ATXN1: variants seen among roughly 807,000 people sequenced by gnomAD.
The protein encoded by ATXN1 is ataxin 1.
Under a neutral mutation model 56.4 loss-of-function variants are expected in ATXN1, and 8 were observed. The observed-to-expected ratio is 0.14, with a 90% CI of 0.08 to 0.26. ATXN1 has a LOEUF of 0.26. ATXN1 is among the 10% of genes least tolerant of loss of function. The pLI is 1.00. For missense variants in ATXN1, 987 were observed against 1,106.5 expected, an observed-to-expected ratio of 0.89 and a Z score of 1.53; for synonymous variants, 514 against 494.6, an observed-to-expected ratio of 1.04 and a Z score of -0.52.
chr6:16,636,749 G>C (rs1763604135), intron 3 of ATXN1, among the ~76,000 whole-genome samples: 1 of 152,124 alleles, frequency 6.6e-6, no homozygotes. Flanking sequence ...GTTTCAACAG[G>C]AAATGTCATA....
At chr6:16,579,718 G>C (rs59758474) in intron 4 of ATXN1, among the ~76,000 whole-genome samples, 9,641 of 152,108 alleles carry the variant, frequency 0.063, 941 homozygotes, top group African/African-American at 0.22. Context: ...GTGTTGAACA[G>C]AGGGGGAACA....
chr6:16,521,141 A>G (rs1761280694), intron 5 of ATXN1, among the ~76,000 whole-genome samples: 1 of 152,204 alleles, frequency 6.6e-6, no homozygotes, highest in African/African-American at 2.4e-5. Flanking sequence ...ACAAACAAAC[A>G]AACAAACAAA....
chr6:16,392,828 A>G (rs1758382434), intron 6 of ATXN1, among the ~76,000 whole-genome samples: 1 of 152,156 alleles, frequency 6.6e-6, no homozygotes, highest in African/African-American at 2.4e-5. Flanking sequence ...CTCACAAGAC[A>G]GTGGTTCTCA....
chr6:16,713,727 GA>G (rs1415545792), intron 2 of ATXN1, among the ~76,000 whole-genome samples: 1 of 152,192 alleles, frequency 6.6e-6, no homozygotes, highest in Non-Finnish European at 1.5e-5. Context: ...GGATTTGTCA[GA>G]AATACATATT....
rs78856205 is a variant in ATXN1, at chr6:16,433,429, A to G, written c.-161+52543T>C. ...AATTTTATAGTTGTTGGCTTTAAGG[A>G]GGATAAGAAGAACTGAGTGCTCCAA... is the stretch of plus-strand genomic sequence containing the variant. On this transcript the variant is annotated intron_variant, in intron 6 of 7. Transcript: ENST00000436367. Among the ~76,000 whole-genome samples the G allele has an allele frequency of 3.9e-5, 6 of 152,312 alleles. No individual in the cohort carries two copies. The East Asian group carries it at 1.2e-3, about 29-fold the overall frequency.
intron 2 of ATXN1, among the ~76,000 whole-genome samples, chr6:16,689,246 G>A (rs772372075): frequency 1.3e-5 from 2 of 152,128 alleles, no homozygotes; most frequent in South Asian, 4.1e-4. Context: ...TGGGACTGTT[G>A]TATCAAAATG....
chr6:16,361,012 G>A (rs79262688), intron 6 of ATXN1, among the ~76,000 whole-genome samples: 1,617 of 152,282 alleles, frequency 0.011, 25 homozygotes, highest in African/African-American at 0.037. Flanking sequence ...GATGTAGCTC[G>A]CAGCTTCTTC....
At chr6:16,615,161 T>A (rs1041730403) in intron 3 of ATXN1, 8 of 147,048 alleles carry the variant, frequency 5.4e-5, no homozygotes, top group Non-Finnish European at 1.1e-4. Context: ...TGTGCCTTAA[T>A]GGGGGCAAAG....
chr6:16,708,695 A>G (rs9350015), intron 2 of ATXN1, among the ~76,000 whole-genome samples: 13,161 of 152,166 alleles, frequency 0.086, 662 homozygotes, highest in East Asian at 0.2. Flanking sequence ...ACCTAGGAAC[A>G]GAAAAAAAAA....
intron 3 of ATXN1, among the ~76,000 whole-genome samples, chr6:16,592,744 A>T (rs886425224): frequency 2.0e-5 from 3 of 151,976 alleles, no homozygotes; most frequent in Admixed American, 2.0e-4. Context: ...TGACTGTTAC[A>T]GCTCTTAAAG....
chr6:16,327,684 A>ATGATGCTGCTGCTGCTGC lies in ATXN1; in HGVS notation c.626_627insGCAGCAGCAGCAGCATCA (p.Gln208_His209insGlnGlnGlnGlnGlnHis), dbSNP rs1554138063. On this transcript the variant is annotated inframe_insertion, in exon 7 of 8. Coordinates refer to ENST00000436367, the MANE Select transcript of ATXN1 (RefSeq NM_001128164.2). ...GCTGCTGCTGCTGCTGCTGATGCTG[A>ATGATGCTGCTGCTGCTGC]TGCTGCTGCTGCTGCTGCTGCTGCT... 28 of 1,474,192 alleles carry ATGATGCTGCTGCTGCTGC rather than the reference A, an allele frequency of 1.9e-5. No individual in the cohort carries two copies. The highest frequency in any genetic ancestry group is 2.2e-5 in the Non-Finnish European group (24 of 1,112,144). The allele number at this position is 1,474,192 out of a possible 1,614,324, so 91.3% of individuals were successfully genotyped here.
At chr6:16,743,370 A>G (rs934210437) in intron 2 of ATXN1, among the ~76,000 whole-genome samples, 2 of 152,196 alleles carry the variant, frequency 1.3e-5, no homozygotes, top group Non-Finnish European at 2.9e-5. Context: ...GTGATGGACA[A>G]AGCACAAAGC....
Position 16,328,236 on chromosome 6 carries a change from G to C in ATXN1, c.75C>G (p.Ser25=). Residue 25 remains serine, a synonymous_variant, in exon 7 of 8, where the codon TCC becomes TCG. Coordinates refer to ENST00000436367, the MANE Select transcript of ATXN1 (RefSeq NM_001128164.2). The surrounding 1 kb of genome is among the most constrained non-coding windows in gnomAD (Gnocchi z 6.2). ...KKREIPATSR[S]SEEKAPTLPS... ...GCAGGGTAGGGGCCTTCTCCTCGGAGGACCGGCTGGTGGCGGGGATCTCGC... is the reference window on the plus strand; with the variant it reads ...GCAGGGTAGGGGCCTTCTCCTCGGACGACCGGCTGGTGGCGGGGATCTCGC... 6.4e-7 allele frequency: 1 copy of C among 1,565,542 alleles called. No individual in the cohort carries two copies. The highest frequency in any genetic ancestry group is 8.7e-7 in the Non-Finnish European group (1 of 1,154,176).
Position 16,326,634 on chromosome 6 carries a change from G to A in ATXN1, c.1677C>T (p.Ser559=), listed in dbSNP as rs779896869. The A allele has an allele frequency of 1.5e-5, 24 of 1,613,844 alleles. No homozygotes were observed. The highest frequency in any genetic ancestry group is 1.1e-4 in the East Asian group (5 of 44,890). ...QAQIHLPVVQ[S]VASPAAAPPT... ...GGGGAGCCGCCGCCGGGGAGGCCAC[G>A]GACTGCACCACAGGCAGGTGGATCT... The change falls in exon 7 of 8, where the codon TCC becomes TCT. Residue 559 remains serine, a synonymous_variant. Transcript: ENST00000436367. This position sits in a 1 kb window ranked among gnomAD's most constrained non-coding sequence, Gnocchi z 6.6.
In ATXN1 at chr6:16,648,015, C is replaced by T. The variant is rs572645998; in HGVS notation, c.-489+9761G>A. On this transcript the variant is annotated intron_variant, in intron 3 of 7. Coordinates refer to ENST00000436367, the MANE Select transcript of ATXN1 (RefSeq NM_001128164.2). ...TCTTGAACCCAGGAGGCGGAGGCTG[C>T]AGTGAGCCGAAATTGCGCTATTGCA... Among the ~76,000 whole-genome samples the T allele has an allele frequency of 2.0e-5, 3 of 152,286 alleles. No homozygotes were observed. The South Asian group carries it at 6.2e-4, about 32-fold the overall frequency.
At chr6:16,735,605 G>A (rs531236562) in intron 2 of ATXN1, among the ~76,000 whole-genome samples, 86 of 152,152 alleles carry the variant, frequency 5.7e-4, no homozygotes, top group African/African-American at 1.9e-3. Context: ...ATTCTGTCTC[G>A]GGGTACAGAC....
chr6:16,337,895 GT>G (rs1220879790), intron 6 of ATXN1, among the ~76,000 whole-genome samples: 1 of 152,192 alleles, frequency 6.6e-6, no homozygotes, highest in Non-Finnish European at 1.5e-5. Context: ...AGGTAACACA[GT>G]AAGAACTGGG....
chr6:16,357,979 G>A (rs1417789151), intron 6 of ATXN1, among the ~76,000 whole-genome samples: 2 of 152,172 alleles, frequency 1.3e-5, no homozygotes, highest in Non-Finnish European at 1.5e-5. Flanking sequence ...CCAAGAGTAG[G>A]TAAGGGAACG....
intron 3 of ATXN1, among the ~76,000 whole-genome samples, chr6:16,631,030 C>T (rs1763494423): frequency 1.3e-5 from 2 of 152,140 alleles, no homozygotes; most frequent in Non-Finnish European, 2.9e-5. Flanking sequence ...GAAGGATCAC[C>T]TATGCTCTTT....
Sources: allele counts gnomAD v4.1 joint callset (sites outside exome capture counted in the v4.1 genomes callset), GRCh38; gene constraint gnomAD v4.1.1; non-coding constraint Gnocchi (gnomAD v3.1); transcripts MANE v1.5; gene names NCBI Gene and HGNC (gene_info 2026-07-23, HGNC 2026-07-21).